Variants in DOCK9 observed in about 807,000 individuals in gnomAD.
DOCK9 encodes the protein dedicator of cytokinesis 9.
In DOCK9, 89 loss-of-function variants were observed where a neutral mutation model predicts 263.3. The observed-to-expected ratio is 0.34, with a 90% CI of 0.28 to 0.40. The LOEUF (loss-of-function observed/expected upper bound fraction) is 0.40. Among genes scored for constraint, DOCK9 ranks in the 10% least tolerant of loss-of-function variants. The probability of loss-of-function intolerance (pLI) is 1.00; values close to 1 mark genes in which losing one functional copy is unlikely to be tolerated. For missense variants in DOCK9, 2,140 were observed against 2,603.4 expected, an observed-to-expected ratio of 0.82 and a Z score of 3.87; for synonymous variants, 976 against 973.1, an observed-to-expected ratio of 1.00 and a Z score of -0.06.
chr13:98,799,107 T>C (rs2089801286), intron 50 of DOCK9, among the ~76,000 whole-genome samples: 1 of 152,230 alleles, frequency 6.6e-6, no homozygotes, highest in South Asian at 2.1e-4. Flanking sequence ...GGCACATATG[T>C]CTTTGAGACT....
At chr13:99,088,555 T>A (rs1263457465), upstream of DOCK9, 1 of 152,260 alleles carries the variant, frequency 6.6e-6, no homozygotes. Flanking sequence ...ACCTTGGCTC[T>A]CTAAGCTGTA....
intron 38 of DOCK9, among the ~76,000 whole-genome samples, chr13:98,840,788 T>C (rs1342158102): frequency 2.0e-5 from 3 of 152,204 alleles, no homozygotes; most frequent in Non-Finnish European, 4.4e-5. Flanking sequence ...CCACCTTCAC[T>C]CTTTATGCAA....
intron 1 of DOCK9, among the ~76,000 whole-genome samples, chr13:98,961,175 G>A (rs1235115600): frequency 6.6e-6 from 1 of 152,196 alleles, no homozygotes; most frequent in East Asian, 1.9e-4. Context: ...CTTTACTAAG[G>A]AAGGGATGCT....
At chr13:98,898,437 AT>A (rs1280019139) in intron 13 of DOCK9, among the ~76,000 whole-genome samples, 176 bp from the exon 14 acceptor site, 1 of 152,220 alleles carries the variant, frequency 6.6e-6, no homozygotes, top group Non-Finnish European at 1.5e-5. Context: ...AGAGTACTTT[AT>A]TTAACGCATT....
Position 99,001,981 on chromosome 13 carries a change from C to T in DOCK9, c.130-46430G>A, listed in dbSNP as rs531857505. Reference sequence around the variant, plus strand: ...AGAGTGAGCTCCCGATCTCTCTACCCCACTCCCCACCTACGCTTACATCCG... The same window carrying T: ...AGAGTGAGCTCCCGATCTCTCTACCTCACTCCCCACCTACGCTTACATCCG... On this transcript the variant is annotated intron_variant, in intron 1 of 32. Coordinates refer to the DOCK9 transcript ENST00000427887. Among the ~76,000 whole-genome samples, 5 of 152,310 alleles carry T rather than the reference C, an allele frequency of 3.3e-5. No homozygotes were observed. The South Asian group carries it at 1.0e-3, about 32-fold the overall frequency.
intron 1 of DOCK9, among the ~76,000 whole-genome samples, chr13:98,977,488 A>G (rs1324960138): frequency 6.6e-6 from 1 of 152,216 alleles, no homozygotes. Context: ...TCCTGGGTTT[A>G]CATTTGCAAA....
chr13:98,913,617 T>C (rs2050412997), intron 9 of DOCK9, among the ~76,000 whole-genome samples: 1 of 152,138 alleles, frequency 6.6e-6, no homozygotes, highest in Admixed American at 6.5e-5. Flanking sequence ...AAAATGAAAG[T>C]AAAACTTTTA....
chr13:98,937,900 C>T (rs571592667), intron 2 of DOCK9, among the ~76,000 whole-genome samples: 3 of 152,282 alleles, frequency 2.0e-5, no homozygotes, highest in South Asian at 2.1e-4. Context: ...ACTGGGGTTA[C>T]GGTGATGTTT....
At chr13:98,804,310 A>G (rs1406531759) in intron 49 of DOCK9, among the ~76,000 whole-genome samples, 1 of 152,206 alleles carries the variant, frequency 6.6e-6, no homozygotes, top group Admixed American at 6.5e-5. Context: ...GGATGGGTCA[A>G]GCTCTCCCAC....
intron 1 of DOCK9, among the ~76,000 whole-genome samples, chr13:99,027,218 C>T (rs932426596): frequency 1.3e-5 from 2 of 152,076 alleles, no homozygotes; most frequent in South Asian, 2.1e-4. Context: ...ACAGAGGTCA[C>T]CATATTGGCC....
chr13:98,901,672 G>C, intron 13 of DOCK9, 106 bp downstream of exon 13: 1 of 1,276,446 alleles, frequency 7.8e-7, no homozygotes, highest in Middle Eastern at 1.9e-4. Flanking sequence ...ATCTTTTAGA[G>C]TATAAATATG....
chr13:99,001,324 A>G (rs1308208596), intron 1 of DOCK9, among the ~76,000 whole-genome samples: 1 of 152,224 alleles, frequency 6.6e-6, no homozygotes, highest in Non-Finnish European at 1.5e-5. Flanking sequence ...GAACTCCTTA[A>G]TAACAGGAAA....
At chr13:98,875,324 T>C (rs1426291171) in intron 27 of DOCK9, among the ~76,000 whole-genome samples, 2 of 103,496 alleles carry the variant, frequency 1.9e-5, no homozygotes, top group African/African-American at 6.3e-5. Context: ...CACATATGTA[T>C]AGTGTTTACA....
intron 1 of DOCK9, among the ~76,000 whole-genome samples, chr13:98,956,617 T>C (rs2058088997): frequency 6.6e-6 from 1 of 152,052 alleles, no homozygotes. Context: ...CGTGGTGGCA[T>C]ACGCTTGTAA....
chr13:98,860,914 T>C (rs2093849830), intron 32 of DOCK9, among the ~76,000 whole-genome samples: 1 of 152,232 alleles, frequency 6.6e-6, no homozygotes, highest in Admixed American at 6.5e-5. Context: ...CTGGCTTTTA[T>C]CTGTAATGCG....
intron 2 of DOCK9, among the ~76,000 whole-genome samples, chr13:98,931,443 C>T (rs868567308): frequency 3.9e-5 from 6 of 152,026 alleles, no homozygotes; most frequent in African/African-American, 7.2e-5. Flanking sequence ...GGACTACAGG[C>T]GCCTGCCACC....
chr13:98,880,975 G>A (rs571100359), intron 25 of DOCK9, among the ~76,000 whole-genome samples: 1 of 152,296 alleles, frequency 6.6e-6, no homozygotes, highest in East Asian at 1.9e-4. Context: ...TACCCTAAAG[G>A]ACCAGAACTT....
rs144162397 is a variant in DOCK9, at chr13:98,816,689, G to T, written c.5131-6398C>A. 1.9e-3 allele frequency among the ~76,000 whole-genome samples: 296 copies of T among 151,830 alleles called. 2 individuals are homozygous for T. Among genetic ancestry groups the T allele is most frequent in the African/African-American group, 6.7e-3 (278 of 41,366 alleles). On this transcript the variant is annotated intron_variant, in intron 45 of 52. Transcript: ENST00000682017. ...GGAAAGCTGAGGAGAGTGATGACTGGCTGGGTCTGAAAAGAGGATCGGGTT... is the reference window on the plus strand; with the variant it reads ...GGAAAGCTGAGGAGAGTGATGACTGTCTGGGTCTGAAAAGAGGATCGGGTT...
rs989232142 is a variant in DOCK9 at position 98,831,741 on chromosome 13, C to G, written c.4360G>C (p.Val1454Leu). The change falls in exon 40 of 53, where the codon GTT (valine) becomes CTT (leucine). Residue 1454 changes from valine (V) to leucine (L), a missense_variant. Physicochemically the swap from Val to Leu is conservative, Grantham distance 32. This residue lies in a region of DOCK9 where 619 missense variants were observed against 861.8 expected (regional missense o/e 0.72). Transcript: ENST00000682017. Reference sequence around the variant, plus strand: ...AGAAAACACAGGTAGACATCAAAAACTTTTTTCATGAGAGGATTATGTCCA... The same window carrying G: ...AGAAAACACAGGTAGACATCAAAAAGTTTTTTCATGAGAGGATTATGTCCA... ...DHGHNPLMKK[V>L]FDVYLCFLQK... The G allele has an allele frequency of 1.2e-6, 2 of 1,613,944 alleles. No individual in the cohort carries two copies. Among genetic ancestry groups the G allele is most frequent in the Non-Finnish European group, 1.7e-6 (2 of 1,179,864 alleles).
Sources: gnomAD v4.1 joint callset for allele counts (sites outside exome capture counted in the v4.1 genomes callset) on GRCh38, gnomAD v4.1.1 for gene constraint, gnomAD v4.1.1 regional missense constraint, MANE v1.5 for transcripts, NCBI Gene and HGNC (gene_info 2026-07-23, HGNC 2026-07-21) for gene names.